Variants in THSD7B observed in about 807,000 individuals in gnomAD.
THSD7B encodes thrombospondin type-1 domain-containing protein 7B.
Under a neutral mutation model 213.6 loss-of-function variants are expected in THSD7B, and 138 were observed. The observed-to-expected ratio is 0.65, with a 90% confidence interval of 0.56 to 0.74. The LOEUF (loss-of-function observed/expected upper bound fraction) is 0.74. Ranked by LOEUF, THSD7B falls within the 30% of genes least tolerant of loss-of-function variation. THSD7B has a pLI of 0.00. For missense variants in THSD7B, 1,931 were observed against 1,991.5 expected (o/e 0.97, Z 0.58); for synonymous variants, 742 against 687.0 (o/e 1.08, Z -1.25).
intron 12 of THSD7B, among the ~76,000 whole-genome samples, chr2:137,293,506 C>T (rs72617063): frequency 0.098 from 14,923 of 151,570 alleles, 1,281 homozygotes; most frequent in East Asian, 0.43. Context: ...TTCTCTCTCT[C>T]TCTATCTTTC....
intron 1 of THSD7B, among the ~76,000 whole-genome samples, chr2:136,838,155 A>C (rs1035644042): frequency 7.9e-5 from 12 of 152,170 alleles, no homozygotes; most frequent in African/African-American, 2.9e-4. Context: ...GTGTAAACTA[A>C]TTTTTTGTGA....
intron 2 of THSD7B, among the ~76,000 whole-genome samples, chr2:136,919,958 G>T (rs1684408042): frequency 6.6e-6 from 1 of 152,238 alleles, no homozygotes. Context: ...ACATGGTGGT[G>T]CCTGGAAGCT....
At chr2:137,210,805 TAGTTAA>T (rs3083523) in intron 7 of THSD7B, among the ~76,000 whole-genome samples, 89,258 of 135,206 alleles carry the variant, frequency 0.66, 26,674 homozygotes, top group South Asian at 0.77. Flanking sequence ...GATTATGTTC[TAGTTAA>T]AGTTAAAAAA....
chr2:137,103,075 C>A (rs563111240), intron 4 of THSD7B, among the ~76,000 whole-genome samples: 1 of 152,236 alleles, frequency 6.6e-6, no homozygotes, highest in South Asian at 2.1e-4. Flanking sequence ...AACCCCAAGA[C>A]ACAAAATCGT....
At chr2:137,541,302 A>G (rs1680604965) in intron 15 of THSD7B, among the ~76,000 whole-genome samples, 1 of 151,682 alleles carries the variant, frequency 6.6e-6, no homozygotes, top group Non-Finnish European at 1.5e-5. Context: ...ATTATGACAC[A>G]TGGAAAAAAA....
At chr2:137,622,267 C>T (rs1573748725) in intron 20 of THSD7B, among the ~76,000 whole-genome samples, 1 of 152,186 alleles carries the variant, frequency 6.6e-6, no homozygotes, top group Admixed American at 6.5e-5. Flanking sequence ...TAAGTCTTAA[C>T]TTGTTTCAGT....
chr2:137,016,975 G>A lies in THSD7B; in HGVS notation c.140-39445G>A, dbSNP rs372377068. Among the ~76,000 whole-genome samples the A allele has an allele frequency of 5.3e-4, 81 of 152,124 alleles. 1 individual carries two copies. The highest frequency in any genetic ancestry group is 2.0e-3 in the African/African-American group (81 of 41,494). Reference sequence around the variant, plus strand: ...TCCAAATATAATACAGCACATATATGCTTTATGTTACATAGCACTCCCATT... The same window carrying A: ...TCCAAATATAATACAGCACATATATACTTTATGTTACATAGCACTCCCATT... On this transcript the variant is annotated intron_variant, in intron 2 of 27. Transcript: ENST00000409968.
chr2:136,898,797 C>T (rs1226720428), intron 2 of THSD7B, among the ~76,000 whole-genome samples: 2 of 151,958 alleles, frequency 1.3e-5, no homozygotes, highest in African/African-American at 4.8e-5. Context: ...CGTGCACCAC[C>T]ATGCCCAGCT....
At chr2:137,362,073 A>G (rs899031068) in intron 12 of THSD7B, among the ~76,000 whole-genome samples, 3 of 152,196 alleles carry the variant, frequency 2.0e-5, no homozygotes, top group African/African-American at 7.2e-5. Flanking sequence ...AGTGGGGGCC[A>G]ATATTCAACA....
intron 2 of THSD7B, among the ~76,000 whole-genome samples, chr2:136,965,885 TA>T (rs1257156507): frequency 6.6e-6 from 1 of 152,172 alleles, no homozygotes; most frequent in African/African-American, 2.4e-5. Flanking sequence ...TATATGATTT[TA>T]AAAAAATTCA....
At chr2:137,662,672 G>A (rs566693917) in intron 25 of THSD7B, among the ~76,000 whole-genome samples, 8 of 152,274 alleles carry the variant, frequency 5.3e-5, no homozygotes, top group African/African-American at 1.9e-4. Flanking sequence ...AGTAAGAAGG[G>A]TGGGTTGGAG....
chr2:136,881,718 T>C (rs1360341149), intron 1 of THSD7B, among the ~76,000 whole-genome samples: 1 of 152,108 alleles, frequency 6.6e-6, no homozygotes. Flanking sequence ...CTTATTTTCT[T>C]ACCAAAAGTA....
At chr2:136,783,275 G>A (rs910161237) in intron 1 of THSD7B, among the ~76,000 whole-genome samples, 1 of 152,158 alleles carries the variant, frequency 6.6e-6, no homozygotes. Flanking sequence ...ATGGCTTAGT[G>A]TGTTATTCTA....
At chr2:137,545,403 C>T (rs2105197047) in intron 15 of THSD7B, among the ~76,000 whole-genome samples, 1 of 151,912 alleles carries the variant, frequency 6.6e-6, no homozygotes, top group Admixed American at 6.6e-5. Context: ...TCACAGCTTC[C>T]TTAATACTGC....
intron 15 of THSD7B, chr2:137,538,448 C>CT (rs1280027708): frequency 2.0e-6 from 1 of 503,538 alleles, no homozygotes; most frequent in Non-Finnish European, 3.9e-6. Context: ...TTTTCTTTCC[C>CT]TTTTGCTTAT....
intron 1 of THSD7B, among the ~76,000 whole-genome samples, chr2:136,783,704 T>C (rs2104908363): frequency 6.6e-6 from 1 of 152,200 alleles, no homozygotes; most frequent in East Asian, 1.9e-4. Flanking sequence ...CAGAAGTTAG[T>C]TGGAAGGGGA....
chr2:137,163,734 CT>C (rs751347439), intron 6 of THSD7B, among the ~76,000 whole-genome samples: 6 of 152,176 alleles, frequency 3.9e-5, no homozygotes, highest in Non-Finnish European at 7.3e-5. Context: ...GTTATGACAG[CT>C]CTAGAAACTA....
chr2:136,982,281 T>C (rs1419549362), intron 2 of THSD7B, among the ~76,000 whole-genome samples: 1 of 150,994 alleles, frequency 6.6e-6, no homozygotes, highest in African/African-American at 2.4e-5. Context: ...TAAAATAAAA[T>C]AAGGCTCTTA....
At chr2:137,460,927 A>G (rs1687871484) in intron 15 of THSD7B, among the ~76,000 whole-genome samples, 1 of 152,236 alleles carries the variant, frequency 6.6e-6, no homozygotes, top group East Asian at 1.9e-4. Context: ...GATTAGTTTT[A>G]TCACTGAGGA....
Sources: gnomAD v4.1 joint callset for allele counts (sites outside exome capture counted in the v4.1 genomes callset) on GRCh38, gnomAD v4.1.1 for gene constraint, MANE v1.5 for transcripts, NCBI Gene and HGNC (gene_info 2026-07-23, HGNC 2026-07-21) for gene names.